Variants in ATXN1 observed in about 807,000 individuals in gnomAD.
ATXN1 encodes ataxin-1.
In ATXN1, 8 loss-of-function variants were observed where a neutral mutation model predicts 56.4. The observed-to-expected ratio is 0.14, with a 90% CI of 0.08 to 0.26. ATXN1 has a LOEUF of 0.26. ATXN1 is among the 10% of genes least tolerant of loss of function. ATXN1 has a pLI of 1.00. For synonymous variants in ATXN1, 514 were observed against 494.6 expected (o/e 1.04, Z -0.52); for missense variants, 987 against 1,106.5 (o/e 0.89, Z 1.53).
chr6:16,594,732 CG>C (rs1762785119), intron 3 of ATXN1, among the ~76,000 whole-genome samples: 2 of 152,168 alleles, frequency 1.3e-5, no homozygotes, highest in Non-Finnish European at 2.9e-5. Context: ...CCGCCTGCCT[CG>C]GCCTCCCAAA....
At chr6:16,493,929 C>A (rs1028270129) in intron 5 of ATXN1, among the ~76,000 whole-genome samples, 2 of 152,188 alleles carry the variant, frequency 1.3e-5, no homozygotes, top group Admixed American at 1.3e-4. Context: ...TAAAGAGAAG[C>A]TGCCAGGGCT....
At position 16,376,153 on chromosome 6, in the gene ATXN1, T is replaced by A. The variant is rs536248667; in HGVS notation, c.-160-47683A>T. Among the ~76,000 whole-genome samples the A allele has an allele frequency of 6.6e-5, 10 of 152,360 alleles. No individual in the cohort carries two copies. In the East Asian group the frequency reaches 1.9e-3, roughly 29 times the overall value. On this transcript the variant is annotated intron_variant, in intron 6 of 7. Coordinates refer to ENST00000436367, the MANE Select transcript of ATXN1 (RefSeq NM_001128164.2). ...TGCGGTTCTCATGAAATCTTTAATA[T>A]CTTAAGACTTAGGAAGAACTCTCCT...
At chr6:16,450,052 A>G (rs944908875) in intron 6 of ATXN1, among the ~76,000 whole-genome samples, 1 of 152,202 alleles carries the variant, frequency 6.6e-6, no homozygotes, top group African/African-American at 2.4e-5. Flanking sequence ...TATTCGTTTC[A>G]TATGTTGAGG....
intron 3 of ATXN1, among the ~76,000 whole-genome samples, chr6:16,604,649 A>C (rs1283224855): frequency 6.7e-6 from 1 of 148,334 alleles, no homozygotes; most frequent in Non-Finnish European, 1.5e-5. Context: ...GCAGTGGTAC[A>C]ATCAGAGCTC....
chr6:16,696,354 C>T (rs1029103913), intron 2 of ATXN1, among the ~76,000 whole-genome samples: 23 of 152,206 alleles, frequency 1.5e-4, no homozygotes, highest in South Asian at 4.2e-4. Context: ...GGCATCAGGA[C>T]GCTACTATGT....
At chr6:16,465,282 C>A (rs1178831582) in intron 6 of ATXN1, among the ~76,000 whole-genome samples, 1 of 152,082 alleles carries the variant, frequency 6.6e-6, no homozygotes, top group Non-Finnish European at 1.5e-5. Flanking sequence ...CATGGTGAAA[C>A]CCCGTCTCTA....
chr6:16,629,958 T>TA (rs780143514), intron 3 of ATXN1, among the ~76,000 whole-genome samples: 1 of 152,260 alleles, frequency 6.6e-6, no homozygotes, highest in South Asian at 2.1e-4. Flanking sequence ...GTTGCCTTCT[T>TA]AGAGTCTGTA....
At chr6:16,309,355 C>T (rs1760333698) in intron 7 of ATXN1, among the ~76,000 whole-genome samples, 2 of 151,650 alleles carry the variant, frequency 1.3e-5, no homozygotes, top group African/African-American at 4.8e-5. Flanking sequence ...GTTGAATAGA[C>T]ATGGATTAAG....
chr6:16,376,967 T>C (rs989297801), intron 6 of ATXN1, among the ~76,000 whole-genome samples: 11 of 152,230 alleles, frequency 7.2e-5, no homozygotes, highest in African/African-American at 2.4e-4. Flanking sequence ...CCTAGCAATC[T>C]AGCTTCAAAA....
rs1258209870 is a variant in ATXN1 at position 16,350,344 on chromosome 6, A to G, written c.-160-21874T>C. ...ATGCCTAGCATAAGAAAAAAAATCCAGGTGTGTTCTTCTTCCTGAACTTCA... is the reference window on the plus strand; with the variant it reads ...ATGCCTAGCATAAGAAAAAAAATCCGGGTGTGTTCTTCTTCCTGAACTTCA... On this transcript the variant is annotated intron_variant, in intron 6 of 7. Transcript: ENST00000436367. 2.0e-5 allele frequency among the ~76,000 whole-genome samples: 3 copies of G among 152,332 alleles called. No homozygotes were observed. In the South Asian group the frequency reaches 6.2e-4, roughly 32 times the overall value.
intron 5 of ATXN1, among the ~76,000 whole-genome samples, chr6:16,518,773 C>T (rs1323009700): frequency 6.6e-6 from 1 of 152,074 alleles, no homozygotes; most frequent in Non-Finnish European, 1.5e-5. Flanking sequence ...AAACGCTAGA[C>T]TGAGAAGTCT....
chr6:16,491,090 ATTTT>A (rs35884389), intron 5 of ATXN1, among the ~76,000 whole-genome samples: 2 of 78,310 alleles, frequency 2.6e-5, no homozygotes, highest in Non-Finnish European at 4.4e-5. Context: ...GGATCCCTGG[ATTTT>A]TTTTTTTTTT....
At chr6:16,575,891 T>C (rs1231450516) in intron 4 of ATXN1, among the ~76,000 whole-genome samples, 1 of 152,332 alleles carries the variant, frequency 6.6e-6, no homozygotes, top group East Asian at 1.9e-4. Flanking sequence ...TTGTACTGCT[T>C]GCTCTATAAA....
At chr6:16,582,219 C>T (rs1342001984) in intron 4 of ATXN1, among the ~76,000 whole-genome samples, 1 of 152,178 alleles carries the variant, frequency 6.6e-6, no homozygotes, top group Non-Finnish European at 1.5e-5. Context: ...GCACCTCTTG[C>T]CTCCTTTTAG....
chr6:16,571,454 G>A (rs930325815), intron 4 of ATXN1, among the ~76,000 whole-genome samples: 1 of 152,004 alleles, frequency 6.6e-6, no homozygotes, highest in Non-Finnish European at 1.5e-5. Flanking sequence ...TCCAATGTCC[G>A]CTCTACAAAA....
rs1049328353 is a variant in ATXN1 at position 16,753,231 on chromosome 6, A to C, written c.-615+2T>G. 1 of 456,638 alleles carries C rather than the reference A, an allele frequency of 2.2e-6. No homozygotes were observed. The highest frequency in any genetic ancestry group is 1.5e-5 in the South Asian group (1 of 64,566). The allele number at this position is 456,638 out of a possible 1,614,324, so 28.3% of individuals were successfully genotyped here. ...AAACAGAGAGCATCGCAAAACTCTCACCTGACATGTGATGCACTTCCCTGT... is the reference window on the plus strand; with the variant it reads ...AAACAGAGAGCATCGCAAAACTCTCCCCTGACATGTGATGCACTTCCCTGT... On this transcript the variant is annotated splice_donor_variant, in intron 2 of 7. Coordinates refer to ENST00000436367, the MANE Select transcript of ATXN1 (RefSeq NM_001128164.2). LOFTEE classifies it low-confidence loss of function (5UTR_SPLICE).
At chr6:16,704,830 C>T (rs973722975) in intron 2 of ATXN1, among the ~76,000 whole-genome samples, 1 of 152,222 alleles carries the variant, frequency 6.6e-6, no homozygotes, top group Non-Finnish European at 1.5e-5. Context: ...CACACACAGG[C>T]TTAGTCATTT....
Position 16,524,460 on chromosome 6 carries a change from T to C in ATXN1, c.-360-1772A>G, listed in dbSNP as rs75738583. Among the ~76,000 whole-genome samples the C allele has an allele frequency of 3.1e-3, 473 of 152,314 alleles. 3 individuals are homozygous for C. The highest frequency in any genetic ancestry group is 0.011 in the African/African-American group (447 of 41,562). On this transcript the variant is annotated intron_variant, in intron 4 of 7. Transcript: ENST00000436367. ...CTAACAACAGACGAGACGTCTACAG[T>C]ACGAATTCTTGAGACCACGAAAACT...
At position 16,501,987 on chromosome 6, in the gene ATXN1, G is replaced by A. The variant is rs192071488; in HGVS notation, c.-298-15878C>T. Among the ~76,000 whole-genome samples, 376 of 152,194 alleles carry A rather than the reference G, an allele frequency of 2.5e-3. 4 individuals carry two copies. The highest frequency in any genetic ancestry group is 0.024 in the Admixed American group (366 of 15,264). Reference sequence around the variant, plus strand: ...TCCACAGCCTCGCCAGCATCTATTAGGAAACTGGAAGAATTCTATACAATA... The same window carrying A: ...TCCACAGCCTCGCCAGCATCTATTAAGAAACTGGAAGAATTCTATACAATA... On this transcript the variant is annotated intron_variant, in intron 5 of 7. Coordinates refer to ENST00000436367, the MANE Select transcript of ATXN1 (RefSeq NM_001128164.2).
Sources: gnomAD v4.1 joint callset for allele counts (sites outside exome capture counted in the v4.1 genomes callset) on GRCh38, gnomAD v4.1.1 for gene constraint, MANE v1.5 for transcripts, NCBI Gene and HGNC (gene_info 2026-07-23, HGNC 2026-07-21) for gene names.